The following RANBP2 variants were observed in gnomAD, a reference collection of about 807,000 sequenced individuals.
RANBP2 encodes the protein RAN binding protein 2.
In RANBP2, 57 loss-of-function variants were observed where a neutral mutation model predicts 303.6. The ratio of observed to expected loss-of-function variants is 0.19; its 90% confidence interval spans 0.15 to 0.23. RANBP2 has a LOEUF of 0.23. Among genes scored for constraint, RANBP2 ranks in the 10% least tolerant of loss-of-function variants. The pLI is 1.00. For missense variants in RANBP2, 3,138 were observed against 3,780.8 expected (o/e 0.83, Z 4.46); for synonymous variants, 1,167 against 1,301.5 (o/e 0.90, Z 2.23).
chr2:109,394,815 C>G, the RANBP2 span, among the ~76,000 whole-genome samples: 1 of 152,238 alleles, frequency 6.6e-6, no homozygotes, highest in East Asian at 1.9e-4. Context: ...GCAGAGCCAC[C>G]TGGCTTCCCT....
the RANBP2 span, among the ~76,000 whole-genome samples, chr2:109,158,639 T>C: frequency 6.6e-6 from 1 of 152,234 alleles, no homozygotes; most frequent in Non-Finnish European, 1.5e-5. Context: ...TTGAGGGATC[T>C]AAGTCGTGAG....
At chr2:109,227,490 A>G in the RANBP2 span, among the ~76,000 whole-genome samples, 4 of 152,214 alleles carry the variant, frequency 2.6e-5, no homozygotes, top group Non-Finnish European at 4.4e-5. Context: ...TGAAGCTATC[A>G]GGGACTGCTT....
chr2:109,541,298 AGTCT>A, the RANBP2 span, among the ~76,000 whole-genome samples: 1 of 152,224 alleles, frequency 6.6e-6, no homozygotes, highest in Non-Finnish European at 1.5e-5. Context: ...TGTATTTTCA[AGTCT>A]GTAAGACGTT....
chr2:109,556,770 TAAA>T, the RANBP2 span, among the ~76,000 whole-genome samples: 121 of 152,246 alleles, frequency 7.9e-4, 1 homozygote, highest in East Asian at 0.012. Flanking sequence ...AAGCTTGATG[TAAA>T]AATATCTTGA....
the RANBP2 span, among the ~76,000 whole-genome samples, chr2:109,568,656 A>C: frequency 4.0e-5 from 4 of 99,068 alleles, no homozygotes; most frequent in Non-Finnish European, 8.2e-5. Flanking sequence ...ATGTGATAAA[A>C]GGTAAACTGA....
chr2:109,123,502 C>G, the RANBP2 span, among the ~76,000 whole-genome samples: 1 of 152,042 alleles, frequency 6.6e-6, no homozygotes, highest in South Asian at 2.1e-4. Flanking sequence ...TGCCTATATG[C>G]GGATGAATTC....
chr2:108,746,259 C>T (rs1299534998), intron 7 of RANBP2, among the ~76,000 whole-genome samples: 6 of 133,308 alleles, frequency 4.5e-5, no homozygotes, highest in African/African-American at 1.5e-4. Context: ...TTCACCCAGG[C>T]TGGAGTGCAA....
At chr2:109,420,011 T>C in the RANBP2 span, among the ~76,000 whole-genome samples, 1 of 152,284 alleles carries the variant, frequency 6.6e-6, no homozygotes, top group Middle Eastern at 3.4e-3. Flanking sequence ...GCGGGTAGTC[T>C]AGGAGCTTGG....
At chr2:108,907,771 G>A in the RANBP2 span, 3 of 1,493,990 alleles carry the variant, frequency 2.0e-6, no homozygotes, top group East Asian at 6.8e-5. Context: ...CCGTCTTGCA[G>A]GAGAGCTGAT....
chr2:109,139,873 G>A, the RANBP2 span, among the ~76,000 whole-genome samples: 1 of 152,212 alleles, frequency 6.6e-6, no homozygotes, highest in Non-Finnish European at 1.5e-5. Flanking sequence ...GAGTCGTGTG[G>A]ACAGGGGTCT....
the RANBP2 span, among the ~76,000 whole-genome samples, chr2:109,767,230 A>G: frequency 1.4e-5 from 2 of 146,772 alleles, no homozygotes; most frequent in South Asian, 4.6e-4. Flanking sequence ...GAAAGGCCGC[A>G]TAAGGTCAGA....
the RANBP2 span, among the ~76,000 whole-genome samples, chr2:109,636,849 C>A: frequency 6.6e-6 from 1 of 151,996 alleles, no homozygotes; most frequent in Non-Finnish European, 1.5e-5. Context: ...GAAGGGGTGG[C>A]CTGCCCCTCC....
chr2:109,478,501 A>G, the RANBP2 span, among the ~76,000 whole-genome samples: 2 of 152,208 alleles, frequency 1.3e-5, no homozygotes, highest in African/African-American at 4.8e-5. Context: ...CATGCTTTCC[A>G]TGAAAATGTA....
At chr2:109,130,378 G>T in the RANBP2 span, among the ~76,000 whole-genome samples, 1 of 152,200 alleles carries the variant, frequency 6.6e-6, no homozygotes, top group Non-Finnish European at 1.5e-5. Context: ...TCCTTGGCCG[G>T]ACTTGTTACC....
chr2:109,236,576 G>C, the RANBP2 span, among the ~76,000 whole-genome samples: 1 of 152,192 alleles, frequency 6.6e-6, no homozygotes, highest in Non-Finnish European at 1.5e-5. Flanking sequence ...AGATGACAAT[G>C]AATGAGGGCT....
the RANBP2 span, among the ~76,000 whole-genome samples, chr2:109,171,143 GGTTTT>G: frequency 2.0e-5 from 3 of 152,164 alleles, no homozygotes; most frequent in African/African-American, 7.2e-5. Context: ...AGATCATTCA[GGTTTT>G]GTTTTGTTTT....
At chr2:109,620,155 TACTC>T in the RANBP2 span, among the ~76,000 whole-genome samples, 4 of 152,338 alleles carry the variant, frequency 2.6e-5, no homozygotes, top group Non-Finnish European at 5.9e-5. Flanking sequence ...ATGTTGAAGG[TACTC>T]AGTAAGGGTC....
In RANBP2 at chr2:108,785,011, AACT is replaced by A. The variant is rs1678512700; in HGVS notation, c.*1113_*1115del. On this transcript the variant is annotated 3_prime_UTR_variant, in exon 29 of 29. Transcript: ENST00000283195. ...GTTCTTATTGGCCTACTCAATATGG[AACT>A]ACAAAGAATCCAGGTAGAACACAAA... is the stretch of plus-strand genomic sequence containing the variant. 6.6e-6 allele frequency: 1 copy of A among 152,212 alleles called. No individual in the cohort carries two copies. The highest frequency in any genetic ancestry group is 2.1e-4 in the South Asian group (1 of 4,828). The allele number at this position is 152,212 out of a possible 1,614,324, so 9.4% of individuals were successfully genotyped here.
chr2:109,093,980 T>G, the RANBP2 span, among the ~76,000 whole-genome samples: 1 of 152,380 alleles, frequency 6.6e-6, no homozygotes, highest in East Asian at 1.9e-4. Flanking sequence ...TGTTTTGCAT[T>G]GTATTAGCTG....
Sources: gnomAD v4.1 joint callset for allele counts (sites outside exome capture counted in the v4.1 genomes callset) on GRCh38, gnomAD v4.1.1 for gene constraint, MANE v1.5 for transcripts, NCBI Gene and HGNC (gene_info 2026-07-23, HGNC 2026-07-21) for gene names.